Variants in HKDC1 observed in about 807,000 individuals in gnomAD.
HKDC1 encodes hexokinase HKDC1.
Under a neutral mutation model 96.6 loss-of-function variants are expected in HKDC1, and 66 were observed. The ratio of observed to expected loss-of-function variants is 0.68; its 90% confidence interval spans 0.56 to 0.84. The LOEUF (loss-of-function observed/expected upper bound fraction) is 0.84, where lower values mean the gene tolerates loss of function less well. HKDC1 is among the 40% of genes least tolerant of loss of function. HKDC1 has a pLI of 0.00. For missense variants in HKDC1, 1,211 were observed against 1,208.1 expected, an observed-to-expected ratio of 1.00 and a Z score of -0.04; for synonymous variants, 466 against 473.1, an observed-to-expected ratio of 0.98 and a Z score of 0.20.
intron 2 of HKDC1, among the ~76,000 whole-genome samples, chr10:69,228,757 T>TTGGAAA (rs1843201024): frequency 6.6e-6 from 1 of 151,908 alleles, no homozygotes; most frequent in Non-Finnish European, 1.5e-5. Context: ...TCCCAGCTAC[T>TTGGAAA]CGGGAGGCTG....
intron 12 of HKDC1, among the ~76,000 whole-genome samples, 185 bp downstream of exon 12, chr10:69,250,837 T>C (rs973665070): frequency 6.6e-6 from 1 of 152,162 alleles, no homozygotes; most frequent in Non-Finnish European, 1.5e-5. Flanking sequence ...TTTTTTAGAC[T>C]GACCATTCAC....
At chr10:69,254,659 T>G (rs2132369589) in intron 12 of HKDC1, among the ~76,000 whole-genome samples, 1 of 152,348 alleles carries the variant, frequency 6.6e-6, no homozygotes, top group South Asian at 2.1e-4. Flanking sequence ...TGGTTTTATT[T>G]TCGTGCAATT....
In HKDC1 at chr10:69,243,212, A is replaced by C. The variant is rs745440824; in HGVS notation, c.722A>C (p.Asp241Ala). 1 of 1,614,230 alleles carries C rather than the reference A, an allele frequency of 6.2e-7. No individual in the cohort carries two copies. Among genetic ancestry groups the C allele is most frequent in the Non-Finnish European group, 8.5e-7 (1 of 1,180,024 alleles). The stretch of plus-strand genomic sequence containing the variant: ...GGCACCAATGCGTGTTACATGGAGG[A>C]CATGAGCAACATTGACCTGGTGGAG... ...GTGTNACYME[D>A]MSNIDLVEGD... is the part of the protein sequence containing the mutation. Residue 241 changes from aspartate (D) to alanine (A), a missense_variant, in exon 7 of 18, where the codon GAC becomes GCC. By Grantham distance (126) the Asp-to-Ala change is moderately radical. Transcript: ENST00000354624.
At chr10:69,227,103 CCA>C in intron 1 of HKDC1, 102 bp from the exon 2 acceptor site, 1 of 1,300,156 alleles carries the variant, frequency 7.7e-7, no homozygotes, top group East Asian at 2.3e-5. Flanking sequence ...AATGCTGTCC[CCA>C]GAGTCAGGAA....
chr10:69,266,398 G>C (rs970822721), intron 17 of HKDC1, among the ~76,000 whole-genome samples: 1 of 151,922 alleles, frequency 6.6e-6, no homozygotes, highest in Admixed American at 6.6e-5. Flanking sequence ...GGGAACTCGA[G>C]GCTGCAGTGG....
intron 10 of HKDC1, among the ~76,000 whole-genome samples, chr10:69,249,581 C>T (rs1340384780): frequency 2.0e-5 from 3 of 152,176 alleles, no homozygotes; most frequent in Non-Finnish European, 2.9e-5. Flanking sequence ...CTGCAAGCTC[C>T]GCCTCCCAGG....
intron 4 of HKDC1, among the ~76,000 whole-genome samples, chr10:69,235,972 C>G (rs1204198157): frequency 6.6e-6 from 1 of 152,132 alleles, no homozygotes; most frequent in African/African-American, 2.4e-5. Flanking sequence ...AACACTGCAG[C>G]TCAGCGAGGT....
intron 1 of HKDC1, among the ~76,000 whole-genome samples, chr10:69,220,976 C>T (rs530824804): frequency 5.7e-4 from 86 of 152,160 alleles, no homozygotes; most frequent in Admixed American, 3.3e-3. Flanking sequence ...ATGGTGAAAC[C>T]CCGTCTCAAC....
intron 2 of HKDC1, among the ~76,000 whole-genome samples, chr10:69,231,075 A>T (rs761147914): frequency 2.6e-5 from 4 of 152,100 alleles, no homozygotes; most frequent in Non-Finnish European, 5.9e-5. Flanking sequence ...TGGCACCTCG[A>T]GCCACTGGTG....
intron 8 of HKDC1, among the ~76,000 whole-genome samples, chr10:69,247,031 A>C (rs77290175): frequency 6.6e-6 from 1 of 152,318 alleles, no homozygotes; most frequent in African/African-American, 2.4e-5. Flanking sequence ...TCTAGCCCTT[A>C]CTAGCTGTGT....
At chr10:69,229,827 C>T (rs1219439333) in intron 2 of HKDC1, among the ~76,000 whole-genome samples, 1 of 152,132 alleles carries the variant, frequency 6.6e-6, no homozygotes, top group Admixed American at 6.6e-5. Context: ...GGCCCAGAGT[C>T]CCTAATAAGC....
chr10:69,258,711 T>C, intron 14 of HKDC1, 65 bp from the exon 15 acceptor site: 1 of 1,521,674 alleles, frequency 6.6e-7, no homozygotes, highest in Non-Finnish European at 9.1e-7. Flanking sequence ...TTTGCTGCAC[T>C]CTGCCACCTT....
At chr10:69,255,010 T>C (rs1162690297) in intron 12 of HKDC1, among the ~76,000 whole-genome samples, 2 of 152,244 alleles carry the variant, frequency 1.3e-5, no homozygotes, top group Non-Finnish European at 2.9e-5. Flanking sequence ...ATTCCTGCAT[T>C]GCTGCTGCCA....
At chr10:69,259,180 G>T (rs1843769879) in intron 15 of HKDC1, among the ~76,000 whole-genome samples, 1 of 152,248 alleles carries the variant, frequency 6.6e-6, no homozygotes, top group African/African-American at 2.4e-5. Context: ...ATAAGGTCTA[G>T]TGGTGGTTCT....
At chr10:69,251,697 T>C (rs999301602) in intron 12 of HKDC1, among the ~76,000 whole-genome samples, 3 of 152,184 alleles carry the variant, frequency 2.0e-5, no homozygotes, top group African/African-American at 7.2e-5. Flanking sequence ...AAGTCTATAC[T>C]TCTCTTGTTT....
intron 4 of HKDC1, among the ~76,000 whole-genome samples, chr10:69,233,481 T>A (rs1843307140): frequency 6.6e-6 from 1 of 152,088 alleles, no homozygotes; most frequent in Non-Finnish European, 1.5e-5. Context: ...CCTGACAGGT[T>A]CCTGGCAGAT....
chr10:69,241,159 G>A (rs1355581909), intron 6 of HKDC1, among the ~76,000 whole-genome samples: 1 of 152,206 alleles, frequency 6.6e-6, no homozygotes, highest in Non-Finnish European at 1.5e-5. Context: ...CATTTGAGCC[G>A]GGACCTCAGT....
rs1262200557 is a variant in HKDC1 at position 69,250,780 on chromosome 10, CAT to C, written c.1836+129_1836+130del. The C allele has an allele frequency of 1.1e-5, 11 of 961,106 alleles. No homozygotes were observed. In the East Asian group the frequency reaches 1.7e-4, roughly 15 times the overall value. The allele number at this position is 961,106 out of a possible 1,614,324, so 59.5% of individuals were successfully genotyped here. On this transcript the variant is annotated intron_variant, in intron 12 of 17. Transcript: ENST00000354624. ...CTTGGGTTCAGGGCAGCTGGGAACA[CAT>C]GATAGAGAATTTCAACAATTTAATT...
intron 16 of HKDC1, chr10:69,262,009 A>G (rs1431572723): frequency 1.0e-5 from 4 of 386,264 alleles, no homozygotes; most frequent in Non-Finnish European, 2.1e-5. Flanking sequence ...CTGGACAAGA[A>G]TATTTTCTAG....
Sources: gnomAD v4.1 joint callset for allele counts (sites outside exome capture counted in the v4.1 genomes callset) on GRCh38, gnomAD v4.1.1 for gene constraint, MANE v1.5 for transcripts, NCBI Gene and HGNC (gene_info 2026-07-23, HGNC 2026-07-21) for gene names.